FABP9: variants seen among roughly 807,000 people sequenced by gnomAD.
The protein encoded by FABP9 is fatty acid-binding protein 9.
In FABP9, 11 loss-of-function variants were observed where a neutral mutation model predicts 14.7. The ratio of observed to expected loss-of-function variants is 0.75; its 90% CI spans 0.47 to 1.24. FABP9 has a LOEUF of 1.24. Ranked by LOEUF, FABP9 falls within the 50% of genes most tolerant of loss-of-function variation. The probability of loss-of-function intolerance (pLI) is 0.00; values close to 1 mark genes in which losing one functional copy is unlikely to be tolerated. For missense variants in FABP9, 171 were observed against 158.2 expected, an observed-to-expected ratio of 1.08 and a Z score of -0.44; for synonymous variants, 54 against 50.6, an observed-to-expected ratio of 1.07 and a Z score of -0.29.
intron 1 of FABP9, among the ~76,000 whole-genome samples, chr8:81,460,654 A>G (rs891923545): frequency 1.3e-5 from 2 of 152,208 alleles, no homozygotes; most frequent in Non-Finnish European, 2.9e-5. Context: ...AATAATTGTA[A>G]GCATCCATTA....
At position 81,461,438 on chromosome 8, in the gene FABP9, T is replaced by C; in HGVS notation, c.73+13A>G. The C allele has an allele frequency of 1.3e-6, 2 of 1,590,292 alleles. No individual in the cohort carries two copies. The highest frequency in any genetic ancestry group is 2.2e-5 in the South Asian group (2 of 90,552). On this transcript the variant is annotated intron_variant, in intron 1 of 3. Transcript: ENST00000379071. ...GCTTTGCCAATTTCCAAATTTGTAA[T>C]GGTATTTCTCACCCAGTTCTTTCAT...
chr8:81,459,321 G>T lies in FABP9; in HGVS notation c.90C>A (p.Ala30=). 6.5e-7 allele frequency: 1 copy of T among 1,531,192 alleles called. No individual in the cohort carries two copies. The highest frequency in any genetic ancestry group is 8.7e-7 in the Non-Finnish European group (1 of 1,150,220). 94.9% of individuals were successfully genotyped at this position (1,531,192 alleles called of 1,614,324 possible). ...GTTTCACTAACCCTGCCATGTTCCG[G>T]GCTGCGAAATTCACTCCTACAAGAC... is the stretch of plus-strand genomic sequence containing the variant. ...YMKELGVNFA[A]RNMAGLVKPT... The change falls in exon 2 of 4, where the codon GCC becomes GCA. Residue 30 remains alanine, a synonymous_variant. Coordinates refer to ENST00000379071, the MANE Select transcript of FABP9 (RefSeq NM_001080526.2).
chr8:81,458,294 T>C lies in FABP9; in HGVS notation c.*89A>G. 1 of 998,096 alleles carries C rather than the reference T, an allele frequency of 1.0e-6. No homozygotes were observed. Among genetic ancestry groups the C allele is most frequent in the Non-Finnish European group, 1.6e-6 (1 of 641,588 alleles). 61.8% of individuals were successfully genotyped at this position (998,096 alleles called of 1,614,324 possible). On this transcript the variant is annotated 3_prime_UTR_variant, in exon 4 of 4. Coordinates refer to ENST00000379071, the MANE Select transcript of FABP9 (RefSeq NM_001080526.2). The stretch of plus-strand genomic sequence containing the variant: ...TATTAAGCAAATTTATATTGAGACA[T>C]TTTTTAAAAATCACCAGCCCTGAGG...
At chr8:81,460,476 A>T (rs1807675040) in intron 1 of FABP9, among the ~76,000 whole-genome samples, 1 of 152,228 alleles carries the variant, frequency 6.6e-6, no homozygotes, top group Non-Finnish European at 1.5e-5. Flanking sequence ...ATTCAAAACA[A>T]GTGAGTCTAT....
chr8:81,458,830 T>A, intron 2 of FABP9, 127 bp from the exon 3 acceptor site: 2 of 687,770 alleles, frequency 2.9e-6, no homozygotes, highest in Non-Finnish European at 4.8e-6. Context: ...GTTGTCATGA[T>A]GTAGTACTAT....
intron 1 of FABP9, among the ~76,000 whole-genome samples, chr8:81,461,248 G>T (rs1354380701): frequency 6.6e-6 from 1 of 152,138 alleles, no homozygotes; most frequent in African/African-American, 2.4e-5. Context: ...CTGGACAGAG[G>T]TGTCTGTGGG....
Position 81,459,274 on chromosome 8 carries a change from T to C in FABP9, c.137A>G (p.Asp46Gly), listed in dbSNP as rs771220907. Residue 46 changes from aspartate (D) to glycine (G), a missense_variant, in exon 2 of 4, where the codon GAT becomes GGT. Asp to Gly is a moderately conservative substitution (Grantham distance 94). Coordinates refer to ENST00000379071, the MANE Select transcript of FABP9 (RefSeq NM_001080526.2). ...TGTTCTTATGGTCATCATTTTCCCATCAACACTAATAGTTACTGTCGGTTT... is the reference window on the plus strand; with the variant it reads ...TGTTCTTATGGTCATCATTTTCCCACCAACACTAATAGTTACTGTCGGTTT... ...LVKPTVTISV[D>G]GKMMTIRTES... is the part of the protein sequence containing the mutation. The C allele has an allele frequency of 4.4e-6, 7 of 1,581,290 alleles. No individual in the cohort carries two copies. The highest frequency in any genetic ancestry group is 1.7e-4 in the Middle Eastern group (1 of 6,002).
intron 1 of FABP9, among the ~76,000 whole-genome samples, chr8:81,459,895 C>T (rs756152881): frequency 2.0e-5 from 3 of 152,132 alleles, no homozygotes; most frequent in Non-Finnish European, 4.4e-5. Flanking sequence ...TGGCCACTTG[C>T]TAGCTTGGGC....
At position 81,458,616 on chromosome 8, in the gene FABP9, C is replaced by A. The variant is rs750960355; in HGVS notation, c.334G>T (p.Glu112Ter). The A allele has an allele frequency of 1.2e-6, 2 of 1,611,672 alleles. No homozygotes were observed. Among genetic ancestry groups the A allele is most frequent in the South Asian group, 2.2e-5 (2 of 90,820 alleles). The change falls in exon 3 of 4, where the codon GAA (glutamate) becomes TAA (stop). Residue 112 changes from glutamate to a stop codon, truncating the protein, a stop_gained. Transcript: ENST00000379071. LOFTEE classifies it high-confidence loss of function. ...ETTIKRKIVD[E>*]KMVVECKMNN... is the part of the protein sequence containing the mutation. ...AGAAAACTTACCACTACCATTTTTT[C>A]ATCCACAATTTTTCTTTTGATTGTT...
rs528504005 is a variant in FABP9 at position 81,459,331 on chromosome 8, T to C, written c.80A>G (p.Asn27Ser). 15 of 1,525,050 alleles carry C rather than the reference T, an allele frequency of 9.8e-6. No homozygotes were observed. The South Asian group carries it at 1.6e-4, about 16-fold the overall frequency. 94.5% of individuals were successfully genotyped at this position (1,525,050 alleles called of 1,614,324 possible). The change falls in exon 2 of 4, where the codon AAT becomes AGT. Residue 27 changes from asparagine to serine, a missense_variant. Coordinates refer to ENST00000379071, the MANE Select transcript of FABP9 (RefSeq NM_001080526.2). ...CCCTGCCATGTTCCGGGCTGCGAAA[T>C]TCACTCCTACAAGACAGAGATAGCC... Reference protein sequence around the residue: ...FEDYMKELGVNFAARNMAGLV... With the variant: ...FEDYMKELGVSFAARNMAGLV...
intron 1 of FABP9, 104 bp from the exon 2 acceptor site, chr8:81,459,441 A>G (rs1807654023): frequency 9.4e-7 from 1 of 1,064,316 alleles, no homozygotes; most frequent in African/African-American, 1.7e-5. Context: ...GAAATTTTGG[A>G]TAATGTATAG....
At chr8:81,460,857 T>C (rs1448720386) in intron 1 of FABP9, among the ~76,000 whole-genome samples, 1 of 152,118 alleles carries the variant, frequency 6.6e-6, no homozygotes, top group South Asian at 2.1e-4. Flanking sequence ...ATGACTTGAG[T>C]TAGAGATTAA....
rs573562749 is a variant in FABP9 at position 81,460,880 on chromosome 8, G to T, written c.73+571C>A. ...AGTTAGAGATTAAAGGATTGGTAGGGTTTATAATTCTGAGGAATATCCAGT... is the reference window on the plus strand; with the variant it reads ...AGTTAGAGATTAAAGGATTGGTAGGTTTTATAATTCTGAGGAATATCCAGT... On this transcript the variant is annotated intron_variant, in intron 1 of 3. Coordinates refer to ENST00000379071, the MANE Select transcript of FABP9 (RefSeq NM_001080526.2). Among the ~76,000 whole-genome samples the T allele has an allele frequency of 3.3e-5, 5 of 152,234 alleles. No individual in the cohort carries two copies. The South Asian group carries it at 8.3e-4, about 25-fold the overall frequency.
chr8:81,458,992 G>T (rs17702440), intron 2 of FABP9, among the ~76,000 whole-genome samples, 173 bp downstream of exon 2: 3,083 of 152,216 alleles, frequency 0.02, 49 homozygotes, highest in Non-Finnish European at 0.032. Flanking sequence ...GAATCTTTTA[G>T]CCCTATTGTT....
chr8:81,461,273 A>C (rs1169641933), intron 1 of FABP9, among the ~76,000 whole-genome samples, 178 bp downstream of exon 1: 1 of 152,216 alleles, frequency 6.6e-6, no homozygotes, highest in Non-Finnish European at 1.5e-5. Context: ...GTCTTCCAAA[A>C]AGAGACAATT....
At position 81,459,171 on chromosome 8, in the gene FABP9, T is replaced by C; in HGVS notation, c.240A>G (p.Lys80=). The part of the protein sequence containing the change: ...EFDETTADNR[K]VKSTITLENG... ...AGGAAGAATTAGTTCTGACCTTTAC[T>C]TTCCGGTTGTCTGCTGTAGTTTCAT... Residue 80 remains lysine (K), a synonymous_variant, in exon 2 of 4, where the codon AAA becomes AAG. Transcript: ENST00000379071. 6.3e-7 allele frequency: 1 copy of C among 1,588,840 alleles called. No individual in the cohort carries two copies. The highest frequency in any genetic ancestry group is 8.5e-7 in the Non-Finnish European group (1 of 1,172,034).
chr8:81,461,098 A>AC, intron 1 of FABP9, among the ~76,000 whole-genome samples: 1 of 152,336 alleles, frequency 6.6e-6, no homozygotes, highest in East Asian at 1.9e-4. Context: ...ATTTAATTGT[A>AC]GGTAGTGATT....
intron 1 of FABP9, among the ~76,000 whole-genome samples, chr8:81,460,157 GC>G (rs1807669358): frequency 6.6e-6 from 1 of 152,034 alleles, no homozygotes; most frequent in Non-Finnish European, 1.5e-5. Flanking sequence ...ATGCCACCAT[GC>G]CCAGCTAATT....
rs1162085572 is a variant in FABP9 at position 81,458,678 on chromosome 8, G to C, written c.272C>G (p.Ser91Ter). Reference sequence around the variant, plus strand: ...AAGCCATTTTTGGACGTGAATCATTGAGCCATTCTCTAATGTTATGGTGCT... The same window carrying C: ...AAGCCATTTTTGGACGTGAATCATTCAGCCATTCTCTAATGTTATGGTGCT... ...VKSTITLENG[S>*]MIHVQKWLGK... Residue 91 changes from serine (S) to a stop codon, truncating the protein, a stop_gained, in exon 3 of 4, where the codon TCA becomes TGA. Transcript: ENST00000379071. LOFTEE classifies it high-confidence loss of function. 3 of 1,613,516 alleles carry C rather than the reference G, an allele frequency of 1.9e-6. No homozygotes were observed. Among genetic ancestry groups the C allele is most frequent in the South Asian group, 2.2e-5 (2 of 91,054 alleles).
Sources: gnomAD v4.1 joint callset for allele counts (sites outside exome capture counted in the v4.1 genomes callset) on GRCh38, gnomAD v4.1.1 for gene constraint, MANE v1.5 for transcripts, NCBI Gene and HGNC (gene_info 2026-07-23, HGNC 2026-07-21) for gene names.